The following BMP3 variants were observed in gnomAD, a reference collection of about 807,000 sequenced individuals.
BMP3 encodes bone morphogenetic protein 3.
A neutral mutation model predicts 38.1 loss-of-function variants in BMP3; 23 were observed. The observed-to-expected ratio is 0.60, with a 90% CI of 0.43 to 0.86. The LOEUF is 0.86. BMP3 is among the 40% of genes least tolerant of loss of function. The pLI is 0.00. For synonymous variants in BMP3, 258 were observed against 225.7 expected (o/e 1.14, Z -1.28); for missense variants, 628 against 579.6 (o/e 1.08, Z -0.86).
At chr4:81,040,694 G>T (rs959429498) in intron 1 of BMP3, among the ~76,000 whole-genome samples, 1 of 152,004 alleles carries the variant, frequency 6.6e-6, no homozygotes, top group African/African-American at 2.4e-5. Context: ...TTTCCAAGTT[G>T]CTCTCTTCTG....
Position 81,046,139 on chromosome 4 carries a change from A to G in BMP3, c.718A>G (p.Ile240Val), listed in dbSNP as rs571119277. 23 of 1,614,170 alleles carry G rather than the reference A, an allele frequency of 1.4e-5. 1 individual carries two copies. The South Asian group carries it at 2.5e-4, about 18-fold the overall frequency. ...KRRLPFPEPYILVYANDAAIS... is the reference protein window; with the variant it reads ...KRRLPFPEPYVLVYANDAAIS... ...GAGGTTACCTTTTCCAGAGCCTTAT[A>G]TCTTGGTATATGCCAATGATGCCGC... The change falls in exon 2 of 3, where the codon ATC (isoleucine) becomes GTC (valine). Residue 240 changes from isoleucine (I) to valine (V), a missense_variant. Transcript: ENST00000282701.
At position 81,046,509 on chromosome 4, in the gene BMP3, A is replaced by C; in HGVS notation, c.1088A>C (p.Gln363Pro). The C allele has an allele frequency of 6.2e-7, 1 of 1,614,150 alleles. No individual in the cohort carries two copies. The highest frequency in any genetic ancestry group is 1.6e-4 in the Middle Eastern group (1 of 6,062). Residue 363 changes from glutamine to proline, a missense_variant, in exon 2 of 3, where the codon CAG becomes CCG. Physicochemically the swap from Gln to Pro is moderately conservative, Grantham distance 76. Coordinates refer to ENST00000282701, the MANE Select transcript of BMP3 (RefSeq NM_001201.5). ...ACCCTGAAAAAGGCAAGGAGAAAGC[A>C]GTGGATTGAACCTCGGAATTGCGCC... ...EQTLKKARRKQWIEPRNCARR... is the reference protein window; with the variant it reads ...EQTLKKARRKPWIEPRNCARR...
chr4:81,049,088 A>G (rs1003192595), intron 2 of BMP3, among the ~76,000 whole-genome samples: 1 of 152,200 alleles, frequency 6.6e-6, no homozygotes, highest in Non-Finnish European at 1.5e-5. Flanking sequence ...AATAGTTTCT[A>G]TATAACAAAA....
intron 1 of BMP3, 77 bp from the exon 2 acceptor site, chr4:81,045,661 C>G: frequency 1.6e-6 from 2 of 1,236,030 alleles, no homozygotes; most frequent in Non-Finnish European, 2.2e-6. Context: ...GTTTCTGATT[C>G]ATTTTGAGTT....
chr4:81,050,747 G>A (rs1413743481), intron 2 of BMP3, among the ~76,000 whole-genome samples: 1 of 151,996 alleles, frequency 6.6e-6, no homozygotes, highest in Non-Finnish European at 1.5e-5. Context: ...AGTTACTTAA[G>A]CAAAAAATTA....
In BMP3 at chr4:81,046,550, G is replaced by A. The variant is rs771786344; in HGVS notation, c.1129G>A (p.Val377Ile). 2.5e-6 allele frequency: 4 copies of A among 1,614,138 alleles called. No individual in the cohort carries two copies. The highest frequency in any genetic ancestry group is 3.4e-6 in the Non-Finnish European group (4 of 1,180,012). Reference sequence around the variant, plus strand: ...GAATTGCGCCAGGAGATACCTCAAGGTAGACTTTGCAGATATTGGCTGGAG... The same window carrying A: ...GAATTGCGCCAGGAGATACCTCAAGATAGACTTTGCAGATATTGGCTGGAG... ...PRNCARRYLK[V>I]DFADIGWSEW... Residue 377 changes from valine (V) to isoleucine (I), a missense_variant, in exon 2 of 3, where the codon GTA becomes ATA. By Grantham distance (29) the Val-to-Ile change is conservative. Transcript: ENST00000282701.
rs770871155 is a variant in BMP3 at position 81,046,147 on chromosome 4, A to G, written c.726A>G (p.Val242=). 3.1e-6 allele frequency: 5 copies of G among 1,613,994 alleles called. No individual in the cohort carries two copies. Among genetic ancestry groups the G allele is most frequent in the Non-Finnish European group, 4.2e-6 (5 of 1,180,032 alleles). Reference sequence around the variant, plus strand: ...CTTTTCCAGAGCCTTATATCTTGGTATATGCCAATGATGCCGCCATTTCTG... The same window carrying G: ...CTTTTCCAGAGCCTTATATCTTGGTGTATGCCAATGATGCCGCCATTTCTG... ...RLPFPEPYIL[V]YANDAAISEP... Residue 242 remains valine (V), a synonymous_variant, in exon 2 of 3, where the codon GTA becomes GTG. Coordinates refer to ENST00000282701, the MANE Select transcript of BMP3 (RefSeq NM_001201.5).
At chr4:81,051,651 TTTG>T (rs1323084330) in intron 2 of BMP3, among the ~76,000 whole-genome samples, 1 of 152,162 alleles carries the variant, frequency 6.6e-6, no homozygotes, top group Non-Finnish European at 1.5e-5. Flanking sequence ...GCTACTGACA[TTTG>T]TTGTACAATA....
At chr4:81,038,817 G>C (rs370796810) in intron 1 of BMP3, among the ~76,000 whole-genome samples, 1 of 152,194 alleles carries the variant, frequency 6.6e-6, no homozygotes, top group South Asian at 2.1e-4. Context: ...GCTCCAGGCT[G>C]TGTGAAGTAC....
In BMP3 at chr4:81,043,590, A is replaced by ATTTTTTTTTTTTTT. The variant is rs3038534; in HGVS notation, c.317-2146_317-2133dup. On this transcript the variant is annotated intron_variant, in intron 1 of 2. Transcript: ENST00000282701. ...CCCAATGCTTATCAAGCATACTACA[A>ATTTTTTTTTTTTTT]TTTTTTTTTTTTTTTGAGACAGCGT... Among the ~76,000 whole-genome samples the ATTTTTTTTTTTTTT allele has an allele frequency of 1.5e-5, 2 of 130,750 alleles. 1 individual carries two copies. The highest frequency in any genetic ancestry group is 3.1e-5 in the Non-Finnish European group (2 of 64,304). 85.8% of individuals were successfully genotyped at this position (130,750 alleles called of 152,430 possible). A position where few individuals can be genotyped will look rare whatever the true frequency, so the allele number is the denominator to read the frequency against.
rs954023090 is a variant in BMP3 at position 81,057,363 on chromosome 4, C to A, written c.*3827C>A. 1 of 152,010 alleles carries A rather than the reference C, an allele frequency of 6.6e-6. No individual in the cohort carries two copies. The highest frequency in any genetic ancestry group is 2.4e-5 in the African/African-American group (1 of 41,400). 9.4% of individuals were successfully genotyped at this position (152,010 alleles called of 1,614,324 possible). On this transcript the variant is annotated 3_prime_UTR_variant, in exon 3 of 3. Transcript: ENST00000282701. The stretch of plus-strand genomic sequence containing the variant: ...TCCTTTTTACTACAGTTTTTAGATG[C>A]AAAATGCAGTTTGGTTCTTTAGTCA...
At chr4:81,038,085 G>C (rs115681932) in intron 1 of BMP3, among the ~76,000 whole-genome samples, 2 of 152,064 alleles carry the variant, frequency 1.3e-5, no homozygotes, top group African/African-American at 2.4e-5. Context: ...ATCTAGAATT[G>C]ATTATCATGT....
At position 81,053,599 on chromosome 4, in the gene BMP3, CTGTTT is replaced by C; in HGVS notation, c.*65_*69del. ...TTAGTTTATTTTTATGGACTTCTTC[CTGTTT>C]TTTTTTTTTTTTTTTTTGCACTGCC... is the stretch of plus-strand genomic sequence containing the variant. On this transcript the variant is annotated 3_prime_UTR_variant, in exon 3 of 3. Coordinates refer to ENST00000282701, the MANE Select transcript of BMP3 (RefSeq NM_001201.5). The C allele has an allele frequency of 1.8e-6, 1 of 561,932 alleles. No homozygotes were observed. The highest frequency in any genetic ancestry group is 6.8e-5 in the Admixed American group (1 of 14,780). The allele number at this position is 561,932 out of a possible 1,614,324, so 34.8% of individuals were successfully genotyped here. A position where few individuals can be genotyped will look rare whatever the true frequency, so the allele number is the denominator to read the frequency against.
At chr4:81,038,616 T>G (rs1036033368) in intron 1 of BMP3, among the ~76,000 whole-genome samples, 3 of 152,216 alleles carry the variant, frequency 2.0e-5, no homozygotes, top group Admixed American at 6.5e-5. Flanking sequence ...TTATAATAAT[T>G]CTTTTCTAAT....
Position 81,046,167 on chromosome 4 carries a change from T to C in BMP3, c.746T>C (p.Ile249Thr). The C allele has an allele frequency of 1.2e-6, 2 of 1,614,092 alleles. No homozygotes were observed. Among genetic ancestry groups the C allele is most frequent in the Non-Finnish European group, 8.5e-7 (1 of 1,180,034 alleles). ...TTGGTATATGCCAATGATGCCGCCATTTCTGAGCCAGAAAGTGTGGTATCA... is the reference window on the plus strand; with the variant it reads ...TTGGTATATGCCAATGATGCCGCCACTTCTGAGCCAGAAAGTGTGGTATCA... ...YILVYANDAAISEPESVVSSL... is the reference protein window; with the variant it reads ...YILVYANDAATSEPESVVSSL... The change falls in exon 2 of 3, where the codon ATT becomes ACT. Residue 249 changes from isoleucine to threonine, a missense_variant. Transcript: ENST00000282701.
At chr4:81,046,887 GA>G (rs1016745142) in intron 2 of BMP3, among the ~76,000 whole-genome samples, 1 of 152,120 alleles carries the variant, frequency 6.6e-6, no homozygotes, top group Non-Finnish European at 1.5e-5. Flanking sequence ...AAGGATATGA[GA>G]AAAAAACATG....
At chr4:81,042,612 T>A (rs1199657174) in intron 1 of BMP3, among the ~76,000 whole-genome samples, 1 of 152,134 alleles carries the variant, frequency 6.6e-6, no homozygotes, top group Non-Finnish European at 1.5e-5. Flanking sequence ...AGAGGCTAAT[T>A]AACAGCAGGT....
intron 1 of BMP3, among the ~76,000 whole-genome samples, chr4:81,040,159 A>G (rs1050224671): frequency 2.0e-5 from 3 of 152,208 alleles, no homozygotes; most frequent in African/African-American, 7.2e-5. Context: ...ATAAGATTAT[A>G]ATGCTAATGG....
At position 81,043,590 on chromosome 4, in the gene BMP3, A is replaced by ATTTTTTTTT. The variant is rs3038534; in HGVS notation, c.317-2141_317-2133dup. ...CCCAATGCTTATCAAGCATACTACA[A>ATTTTTTTTT]TTTTTTTTTTTTTTTGAGACAGCGT... On this transcript the variant is annotated intron_variant, in intron 1 of 2. Coordinates refer to ENST00000282701, the MANE Select transcript of BMP3 (RefSeq NM_001201.5). 1.5e-3 allele frequency among the ~76,000 whole-genome samples: 198 copies of ATTTTTTTTT among 130,742 alleles called. 10 individuals carry two copies. The highest frequency in any genetic ancestry group is 0.011 in the East Asian group (50 of 4,460). 85.8% of individuals were successfully genotyped at this position (130,742 alleles called of 152,430 possible).
Sources: gnomAD v4.1 joint callset for allele counts (sites outside exome capture counted in the v4.1 genomes callset) on GRCh38, gnomAD v4.1.1 for gene constraint, MANE v1.5 for transcripts, NCBI Gene and HGNC (gene_info 2026-07-23, HGNC 2026-07-21) for gene names.